Variants in NXPH1 observed in about 807,000 individuals in gnomAD.
The protein encoded by NXPH1 is neurexophilin 1.
A neutral mutation model predicts 23.7 loss-of-function variants in NXPH1; 5 were observed. That is an observed-to-expected ratio of 0.21 (90% CI 0.11 to 0.44). The LOEUF is 0.44. Ranked by LOEUF, NXPH1 falls within the 20% of genes least tolerant of loss-of-function variation. The pLI, the probability that NXPH1 is intolerant of heterozygous loss-of-function variation, is 0.99. For synonymous variants in NXPH1, 144 were observed against 122.2 expected (o/e 1.18, Z -1.18); for missense variants, 324 against 321.6 (o/e 1.01, Z -0.06).
chr7:8,602,999 C>T (rs757441704), intron 2 of NXPH1, among the ~76,000 whole-genome samples: 6 of 151,996 alleles, frequency 3.9e-5, no homozygotes, highest in African/African-American at 1.2e-4. Flanking sequence ...TTAGTAGAGA[C>T]GGGGTTTTAC....
At chr7:8,719,806 A>C (rs984344967) in intron 2 of NXPH1, among the ~76,000 whole-genome samples, 5 of 152,220 alleles carry the variant, frequency 3.3e-5, no homozygotes, top group Non-Finnish European at 7.3e-5. Flanking sequence ...GACATAGATC[A>C]ATATAATTGT....
chr7:8,552,114 CA>C (rs34390317), intron 2 of NXPH1, among the ~76,000 whole-genome samples: 3,630 of 61,714 alleles, frequency 0.059, 40 homozygotes, highest in African/African-American at 0.22. Context: ...GAAAAAAAAC[CA>C]AAAAAAAAAA....
intron 2 of NXPH1, among the ~76,000 whole-genome samples, chr7:8,711,833 G>C (rs529145072): frequency 2.6e-4 from 40 of 152,322 alleles, no homozygotes; most frequent in South Asian, 2.3e-3. Flanking sequence ...ATTCTAAAGA[G>C]ATTATAAAGC....
At chr7:8,609,062 T>A (rs1819561964) in intron 2 of NXPH1, among the ~76,000 whole-genome samples, 1 of 152,182 alleles carries the variant, frequency 6.6e-6, no homozygotes, top group African/African-American at 2.4e-5. Context: ...TTGCTTGACA[T>A]CACTGTTTAC....
intron 2 of NXPH1, among the ~76,000 whole-genome samples, chr7:8,660,384 A>T (rs1820652918): frequency 6.6e-6 from 1 of 152,188 alleles, no homozygotes; most frequent in Non-Finnish European, 1.5e-5. Context: ...CTGTTAACTT[A>T]CATAAACACG....
intron 2 of NXPH1, among the ~76,000 whole-genome samples, chr7:8,439,030 T>C (rs550591334): frequency 6.6e-6 from 1 of 152,178 alleles, no homozygotes; most frequent in East Asian, 1.9e-4. Flanking sequence ...TAAAGGTAAA[T>C]AAAATTTCAG....
intron 2 of NXPH1, among the ~76,000 whole-genome samples, chr7:8,641,080 T>G (rs551682912): frequency 3.3e-5 from 5 of 152,322 alleles, no homozygotes; most frequent in African/African-American, 1.2e-4. Context: ...AAGAACAAAG[T>G]TTTCTTGTCT....
At chr7:8,593,544 G>A (rs1819150095) in intron 2 of NXPH1, among the ~76,000 whole-genome samples, 1 of 151,894 alleles carries the variant, frequency 6.6e-6, no homozygotes, top group African/African-American at 2.4e-5. Flanking sequence ...TTAATTTCTT[G>A]TTTTTAAATT....
At chr7:8,607,382 C>G (rs1438462468) in intron 2 of NXPH1, among the ~76,000 whole-genome samples, 1 of 152,098 alleles carries the variant, frequency 6.6e-6, no homozygotes, top group Non-Finnish European at 1.5e-5. Flanking sequence ...TCACTCGATA[C>G]AGTACTCACT....
At chr7:8,574,260 G>GT (rs1818708700) in intron 2 of NXPH1, among the ~76,000 whole-genome samples, 1 of 147,438 alleles carries the variant, frequency 6.8e-6, no homozygotes, top group Admixed American at 6.6e-5. Context: ...AGGCAAAACT[G>GT]TTTTTTTAAA....
intron 2 of NXPH1, among the ~76,000 whole-genome samples, chr7:8,462,757 CAG>C (rs1198574695): frequency 1.3e-5 from 2 of 152,190 alleles, no homozygotes; most frequent in Non-Finnish European, 2.9e-5. Context: ...AAAAATAAAA[CAG>C]AATACTTGAG....
At chr7:8,500,328 G>A (rs187028195) in intron 2 of NXPH1, among the ~76,000 whole-genome samples, 9 of 152,144 alleles carry the variant, frequency 5.9e-5, no homozygotes, top group Admixed American at 3.9e-4. Context: ...GGTGTTTTAG[G>A]GAATTTCTGA....
chr7:8,655,451 T>TACACACAC (rs71017603), intron 2 of NXPH1, among the ~76,000 whole-genome samples: 25,565 of 139,026 alleles, frequency 0.18, 3,106 homozygotes, highest in East Asian at 0.44. Flanking sequence ...TCTCTCTCTA[T>TACACACAC]ACACACACAC....
chr7:8,653,306 A>G (rs10281763), intron 2 of NXPH1, among the ~76,000 whole-genome samples: 107,556 of 152,042 alleles, frequency 0.71, 38,789 homozygotes, highest in East Asian at 1. Flanking sequence ...AGCCTCATAG[A>G]CTACATATAT....
intron 2 of NXPH1, among the ~76,000 whole-genome samples, chr7:8,533,171 T>C (rs1287567590): frequency 6.6e-6 from 1 of 152,158 alleles, no homozygotes; most frequent in Non-Finnish European, 1.5e-5. Flanking sequence ...TTTGTATGAC[T>C]TCAAACACCA....
intron 2 of NXPH1, among the ~76,000 whole-genome samples, chr7:8,555,126 C>G (rs1818336375): frequency 6.6e-6 from 1 of 151,606 alleles, no homozygotes; most frequent in Non-Finnish European, 1.5e-5. Context: ...CCCAGATATG[C>G]TGGTGTCAAG....
intron 2 of NXPH1, among the ~76,000 whole-genome samples, chr7:8,685,313 C>A (rs1267185302): frequency 1.3e-5 from 2 of 150,004 alleles, no homozygotes; most frequent in Non-Finnish European, 3.0e-5. Context: ...TAAAATGTAT[C>A]CTTTTGACTT....
chr7:8,723,019 A>G (rs1779994278), intron 2 of NXPH1, among the ~76,000 whole-genome samples: 1 of 152,188 alleles, frequency 6.6e-6, no homozygotes, highest in African/African-American at 2.4e-5. Flanking sequence ...AATGCCTTCA[A>G]TACTCACATT....
At chr7:8,487,622 AT>A (rs1396707891) in intron 2 of NXPH1, among the ~76,000 whole-genome samples, 5 of 152,094 alleles carry the variant, frequency 3.3e-5, no homozygotes, top group African/African-American at 1.2e-4. Context: ...TTGGTACTGT[AT>A]CTCTCTAATC....
Sources: allele counts gnomAD v4.1 joint callset (sites outside exome capture counted in the v4.1 genomes callset), GRCh38; gene constraint gnomAD v4.1.1; transcripts MANE v1.5; gene names NCBI Gene and HGNC (gene_info 2026-07-23, HGNC 2026-07-21).